Variants in MSRA observed in about 807,000 individuals in gnomAD.
MSRA encodes the protein mitochondrial peptide methionine sulfoxide reductase.
MSRA carries 54 observed loss-of-function variants against 31.3 expected under a neutral mutation model. The ratio of observed to expected loss-of-function variants is 1.73; its 90% CI spans 1.39 to 2.17. MSRA has a LOEUF of 2.17. MSRA is among the 30% of genes most tolerant of loss of function. The pLI is 0.00. For missense variants in MSRA, 507 were observed against 300.9 expected (o/e 1.69, Z -5.07); for synonymous variants, 169 against 116.5 (o/e 1.45, Z -2.90).
chr8:10,165,123 C>A (rs904199483), intron 1 of MSRA, among the ~76,000 whole-genome samples: 2 of 152,138 alleles, frequency 1.3e-5, no homozygotes, highest in African/African-American at 2.4e-5. Context: ...AAAGGCTCCC[C>A]AGGTAATTCT....
intron 1 of MSRA, among the ~76,000 whole-genome samples, chr8:10,127,025 C>T (rs1801553652): frequency 6.6e-6 from 1 of 152,148 alleles, no homozygotes; most frequent in Non-Finnish European, 1.5e-5. Flanking sequence ...GGTTGGGGAC[C>T]CCTGCTCTAG....
intron 1 of MSRA, among the ~76,000 whole-genome samples, chr8:10,070,017 G>T (rs1797653383): frequency 6.6e-6 from 1 of 152,206 alleles, no homozygotes; most frequent in South Asian, 2.1e-4. Flanking sequence ...GTACCTCCCT[G>T]TTAAATCTTG....
intron 3 of MSRA, chr8:10,250,376 C>G (rs1252156947): frequency 1.7e-5 from 12 of 699,296 alleles, no homozygotes; most frequent in Non-Finnish European, 7.8e-6. Context: ...CAAGAAAACC[C>G]AGGATGTTCA....
At chr8:10,117,289 C>T (rs1800756000) in intron 1 of MSRA, among the ~76,000 whole-genome samples, 1 of 152,112 alleles carries the variant, frequency 6.6e-6, no homozygotes, top group African/African-American at 2.4e-5. Context: ...TGGAGCAGAG[C>T]ACTGGGCATT....
intron 1 of MSRA, among the ~76,000 whole-genome samples, chr8:10,135,762 C>T (rs949602345): frequency 6.6e-6 from 1 of 152,162 alleles, no homozygotes; most frequent in South Asian, 2.1e-4. Flanking sequence ...TGGTTCAGCC[C>T]AGCACATGTT....
intron 5 of MSRA, among the ~76,000 whole-genome samples, chr8:10,370,443 G>T (rs1000524490): frequency 2.0e-5 from 3 of 152,220 alleles, no homozygotes; most frequent in African/African-American, 7.2e-5. Flanking sequence ...CCCAGTGCCT[G>T]AGGCTTCCAA....
At chr8:10,201,233 C>T (rs1808470498) in intron 1 of MSRA, among the ~76,000 whole-genome samples, 1 of 152,072 alleles carries the variant, frequency 6.6e-6, no homozygotes, top group South Asian at 2.1e-4. Context: ...TCAGTAGAAA[C>T]ACTTGATACG....
At chr8:10,151,715 C>G (rs1158247581) in intron 1 of MSRA, among the ~76,000 whole-genome samples, 1 of 152,104 alleles carries the variant, frequency 6.6e-6, no homozygotes, top group Non-Finnish European at 1.5e-5. Context: ...TGGGTTGGGT[C>G]AAGGCACAAG....
intron 1 of MSRA, among the ~76,000 whole-genome samples, chr8:10,062,176 G>C (rs1480966084): frequency 6.6e-6 from 1 of 152,212 alleles, no homozygotes; most frequent in African/African-American, 2.4e-5. Flanking sequence ...GGTCCCAGCA[G>C]CGTGCCATCA....
chr8:10,347,433 A>C (rs1803850926), intron 5 of MSRA, among the ~76,000 whole-genome samples: 1 of 152,122 alleles, frequency 6.6e-6, no homozygotes, highest in African/African-American at 2.4e-5. Context: ...CTGATTTGTA[A>C]AGTCCCACCA....
intron 4 of MSRA, among the ~76,000 whole-genome samples, chr8:10,303,419 T>C (rs1800953795): frequency 1.3e-5 from 2 of 152,234 alleles, no homozygotes; most frequent in African/African-American, 4.8e-5. Context: ...AACTCACCTC[T>C]CTGTTCATCA....
At chr8:10,153,757 T>A (rs1346284616) in intron 1 of MSRA, among the ~76,000 whole-genome samples, 1 of 152,188 alleles carries the variant, frequency 6.6e-6, no homozygotes, top group Non-Finnish European at 1.5e-5. Flanking sequence ...AAGAAATATG[T>A]TCGAGGAGGA....
intron 3 of MSRA, among the ~76,000 whole-genome samples, chr8:10,267,521 C>G (rs966450532): frequency 6.6e-6 from 1 of 152,162 alleles, no homozygotes; most frequent in Non-Finnish European, 1.5e-5. Context: ...AGTCTCCACA[C>G]CACAGTTATC....
intron 4 of MSRA, among the ~76,000 whole-genome samples, chr8:10,318,740 G>A (rs1404312862): frequency 6.6e-6 from 1 of 152,252 alleles, no homozygotes; most frequent in Non-Finnish European, 1.5e-5. Context: ...CTTTCTTCTA[G>A]GTTTTCAGTC....
intron 2 of MSRA, among the ~76,000 whole-genome samples, chr8:10,223,813 G>C (rs781422720): frequency 5.9e-5 from 9 of 152,138 alleles, no homozygotes; most frequent in Non-Finnish European, 1.0e-4. Flanking sequence ...GATTTTGGGT[G>C]GGGAGAAAGA....
At chr8:10,169,250 G>A (rs1253885023) in intron 1 of MSRA, among the ~76,000 whole-genome samples, 1 of 152,196 alleles carries the variant, frequency 6.6e-6, no homozygotes, top group Non-Finnish European at 1.5e-5. Flanking sequence ...AGGAAAATTG[G>A]CCAAAGCCTT....
At chr8:10,151,197 A>G (rs1803636676) in intron 1 of MSRA, among the ~76,000 whole-genome samples, 1 of 142,936 alleles carries the variant, frequency 7.0e-6, no homozygotes. Context: ...CTTCCTGGGG[A>G]GGCGCAGTGA....
intron 1 of MSRA, among the ~76,000 whole-genome samples, chr8:10,080,263 C>G (rs1262588987): frequency 6.6e-6 from 1 of 152,050 alleles, no homozygotes; most frequent in African/African-American, 2.4e-5. Flanking sequence ...AACTTTATCC[C>G]CCTTATTAGT....
intron 5 of MSRA, among the ~76,000 whole-genome samples, chr8:10,420,307 T>G (rs1055024284): frequency 5.3e-5 from 8 of 151,778 alleles, no homozygotes; most frequent in African/African-American, 9.7e-5. Context: ...TTTTTGTTTT[T>G]TTTTTTTTCC....
Sources: gnomAD v4.1 joint callset for allele counts (sites outside exome capture counted in the v4.1 genomes callset) on GRCh38, gnomAD v4.1.1 for gene constraint, MANE v1.5 for transcripts, NCBI Gene and HGNC (gene_info 2026-07-23, HGNC 2026-07-21) for gene names.